The following CALD1 variants were observed in gnomAD, a reference collection of about 807,000 sequenced individuals.
The protein encoded by CALD1 is caldesmon 1.
In CALD1, 33 loss-of-function variants were observed where a neutral mutation model predicts 99.9. The observed-to-expected ratio is 0.33, with a 90% CI of 0.25 to 0.44. CALD1 has a LOEUF of 0.44. CALD1 is among the 20% of genes least tolerant of loss of function. CALD1 has a pLI of 1.00. For synonymous variants in CALD1, 310 were observed against 325.0 expected (o/e 0.95, Z 0.50); for missense variants, 861 against 962.1 (o/e 0.89, Z 1.39).
intron 1 of CALD1, among the ~76,000 whole-genome samples, chr7:134,843,407 C>T (rs13243212): frequency 0.041 from 6,197 of 152,322 alleles, 134 homozygotes; most frequent in Non-Finnish European, 0.052. Flanking sequence ...ACAAACTCCA[C>T]TGTTAGTGAC....
chr7:134,862,174 A>G (rs781057423), intron 2 of CALD1, among the ~76,000 whole-genome samples: 1 of 152,218 alleles, frequency 6.6e-6, no homozygotes, highest in East Asian at 1.9e-4. Context: ...CAATGAATCA[A>G]TGTGGCAATC....
intron 8 of CALD1, chr7:134,948,246 G>A (rs1260219521): frequency 6.5e-6 from 1 of 154,518 alleles, no homozygotes; most frequent in African/African-American, 2.5e-5. Context: ...TAATGAGCAA[G>A]TAAGTACATT....
intron 1 of CALD1, among the ~76,000 whole-genome samples, chr7:134,786,822 T>G (rs150254274): frequency 2.6e-5 from 4 of 152,276 alleles, no homozygotes; most frequent in Admixed American, 6.5e-5. Context: ...GTTAGCAAAT[T>G]TAGGTTATAC....
chr7:134,849,713 G>A (rs1335089165), intron 2 of CALD1, among the ~76,000 whole-genome samples: 2 of 152,008 alleles, frequency 1.3e-5, no homozygotes, highest in Non-Finnish European at 2.9e-5. Context: ...GCAAAATAAG[G>A]GTGCTGTGAT....
chr7:134,879,890 G>C (rs895261273), intron 3 of CALD1, among the ~76,000 whole-genome samples: 1 of 152,150 alleles, frequency 6.6e-6, no homozygotes, highest in Non-Finnish European at 1.5e-5. Flanking sequence ...ATCACATACA[G>C]TTCCTTTGTT....
chr7:134,806,437 G>A (rs73724860), intron 1 of CALD1, among the ~76,000 whole-genome samples: 6,557 of 152,192 alleles, frequency 0.043, 457 homozygotes, highest in African/African-American at 0.15. Flanking sequence ...GTTTTCTGCC[G>A]TGTTACCAAT....
intron 3 of CALD1, among the ~76,000 whole-genome samples, chr7:134,888,086 T>A (rs1302005128): frequency 6.6e-6 from 1 of 152,222 alleles, no homozygotes; most frequent in Non-Finnish European, 1.5e-5. Context: ...ATTTTCTTAA[T>A]AAAGGACCAC....
intron 3 of CALD1, among the ~76,000 whole-genome samples, chr7:134,880,251 C>T (rs1178680078): frequency 6.6e-6 from 1 of 152,202 alleles, no homozygotes; most frequent in Non-Finnish European, 1.5e-5. Flanking sequence ...AGAGCCGGCA[C>T]CAGCACTAGG....
chr7:134,945,555 G>A (rs1210152402), intron 7 of CALD1, among the ~76,000 whole-genome samples: 1 of 152,136 alleles, frequency 6.6e-6, no homozygotes, highest in East Asian at 1.9e-4. Flanking sequence ...TGTCTTACCT[G>A]TGGTTTCCTT....
At chr7:134,819,659 C>T (rs1250214068) in intron 1 of CALD1, among the ~76,000 whole-genome samples, 2 of 152,224 alleles carry the variant, frequency 1.3e-5, no homozygotes, top group Non-Finnish European at 2.9e-5. Context: ...ATTCAATCAG[C>T]ATCTAAGAAG....
chr7:134,722,937 G>C, the CALD1 span, among the ~76,000 whole-genome samples: 2 of 152,286 alleles, frequency 1.3e-5, no homozygotes, highest in Admixed American at 1.3e-4. Context: ...GCCTTTGTCA[G>C]AGAGCCCAGC....
intron 1 of CALD1, among the ~76,000 whole-genome samples, chr7:134,781,484 T>C (rs536982849): frequency 6.6e-6 from 1 of 151,996 alleles, no homozygotes; most frequent in East Asian, 1.9e-4. Context: ...CTGTTATAGG[T>C]AGAGATAGAG....
chr7:134,862,525 TAG>T (rs1333923746), intron 2 of CALD1, among the ~76,000 whole-genome samples: 1 of 152,122 alleles, frequency 6.6e-6, no homozygotes, highest in Non-Finnish European at 1.5e-5. Context: ...CTCAAAGCTG[TAG>T]AGACATAAAA....
intron 1 of CALD1, among the ~76,000 whole-genome samples, chr7:134,806,959 T>G (rs1012381612): frequency 6.6e-6 from 1 of 152,122 alleles, no homozygotes; most frequent in Admixed American, 6.5e-5. Flanking sequence ...TCCCCCAAAT[T>G]TCACCTATTT....
chr7:134,818,327 C>CT (rs1247554355), intron 1 of CALD1, among the ~76,000 whole-genome samples: 10 of 152,320 alleles, frequency 6.6e-5, no homozygotes, highest in South Asian at 6.2e-4. Flanking sequence ...GAAGTTTCAA[C>CT]TAGAGTTTCA....
chr7:134,798,344 C>T (rs1229471754), intron 1 of CALD1, among the ~76,000 whole-genome samples: 1 of 152,226 alleles, frequency 6.6e-6, no homozygotes, highest in Non-Finnish European at 1.5e-5. Context: ...CAGCCTGACC[C>T]ACCCTGGTGC....
At chr7:134,760,706 A>G (rs568671182) in intron 1 of CALD1, among the ~76,000 whole-genome samples, 1 of 152,354 alleles carries the variant, frequency 6.6e-6, no homozygotes, top group South Asian at 2.1e-4. Flanking sequence ...TTGGAAGAAG[A>G]CATGCAATAT....
intron 1 of CALD1, among the ~76,000 whole-genome samples, chr7:134,796,990 A>G (rs1344991070): frequency 6.6e-6 from 1 of 151,982 alleles, no homozygotes; most frequent in Non-Finnish European, 1.5e-5. Context: ...CATTCAATTG[A>G]AGCTTTTCCT....
chr7:134,965,145 C>A (rs1808575636), intron 13 of CALD1, 161 bp from the exon 14 acceptor site: 1 of 582,584 alleles, frequency 1.7e-6, no homozygotes, highest in African/African-American at 1.9e-5. Flanking sequence ...AAAAATCAAA[C>A]AACAGCTGAT....
Sources: gnomAD v4.1 joint callset for allele counts (sites outside exome capture counted in the v4.1 genomes callset) on GRCh38, gnomAD v4.1.1 for gene constraint, MANE v1.5 for transcripts, NCBI Gene and HGNC (gene_info 2026-07-23, HGNC 2026-07-21) for gene names.